The following DCDC2 variants were observed in gnomAD, a reference collection of about 807,000 sequenced individuals.
The protein encoded by DCDC2 is doublecortin domain containing 2, also known as doublecortin domain-containing protein 2.
A neutral mutation model predicts 50.2 loss-of-function variants in DCDC2; 40 were observed. That is an observed-to-expected ratio of 0.80 (90% confidence interval 0.62 to 1.04). The LOEUF is 1.04. DCDC2 is among the 50% of genes least tolerant of loss of function. The pLI is 0.00. For synonymous variants in DCDC2, 234 were observed against 210.6 expected (o/e 1.11, Z -0.96); for missense variants, 570 against 581.9 (o/e 0.98, Z 0.21).
chr6:24,261,797 A>T (rs1489512076), intron 7 of DCDC2, among the ~76,000 whole-genome samples: 1 of 152,192 alleles, frequency 6.6e-6, no homozygotes, highest in African/African-American at 2.4e-5. Flanking sequence ...AAATTAAGAT[A>T]AACAGGCATC....
At chr6:24,352,432 C>T (rs1760390662) in intron 2 of DCDC2, among the ~76,000 whole-genome samples, 1 of 152,144 alleles carries the variant, frequency 6.6e-6, no homozygotes, top group African/African-American at 2.4e-5. Context: ...TAAGCACAAC[C>T]TGAAAATTGT....
Position 24,319,226 on chromosome 6 carries a change from C to T in DCDC2, c.349-17182G>A, listed in dbSNP as rs140884866. ...CATATGCTTTTTGGCCATTTGTATG[C>T]CTTCTTTTGAAAAATGACTATGCAT... On this transcript the variant is annotated intron_variant, in intron 2 of 9. Coordinates refer to ENST00000378454, the MANE Select transcript of DCDC2 (RefSeq NM_016356.5). 3.1e-3 allele frequency among the ~76,000 whole-genome samples: 467 copies of T among 150,562 alleles called. 2 individuals carry two copies. Among genetic ancestry groups the T allele is most frequent in the African/African-American group, 9.8e-3 (402 of 41,204 alleles).
the DCDC2 span, among the ~76,000 whole-genome samples, chr6:24,366,142 T>C: frequency 1.3e-5 from 2 of 152,178 alleles, no homozygotes; most frequent in Admixed American, 6.5e-5. Flanking sequence ...ACTACTTTCT[T>C]TATTTCCACT....
intron 2 of DCDC2, among the ~76,000 whole-genome samples, chr6:24,349,914 T>C (rs1760334375): frequency 6.6e-6 from 1 of 152,158 alleles, no homozygotes; most frequent in African/African-American, 2.4e-5. Context: ...GTGCCCTGAC[T>C]CTGAGGTGGG....
intron 2 of DCDC2, among the ~76,000 whole-genome samples, chr6:24,309,941 G>A (rs114941574): frequency 0.025 from 3,801 of 152,014 alleles, 88 homozygotes; most frequent in African/African-American, 0.054. Context: ...ACCAGCTTGG[G>A]CAACATAGTG....
At chr6:24,366,226 T>C in the DCDC2 span, among the ~76,000 whole-genome samples, 1 of 152,204 alleles carries the variant, frequency 6.6e-6, no homozygotes, top group African/African-American at 2.4e-5. Flanking sequence ...AAATCATAAG[T>C]GGATCCTGAA....
chr6:24,209,991 T>C (rs532883413), intron 7 of DCDC2, among the ~76,000 whole-genome samples: 3 of 151,686 alleles, frequency 2.0e-5, no homozygotes, highest in East Asian at 3.9e-4. Context: ...ACTTGATCTT[T>C]TAGCAGCTTT....
chr6:24,259,965 T>C (rs1277664997), intron 7 of DCDC2, among the ~76,000 whole-genome samples: 1 of 152,202 alleles, frequency 6.6e-6, no homozygotes, highest in Non-Finnish European at 1.5e-5. Flanking sequence ...CAGTGGAGCT[T>C]AGGAGTAAAG....
At chr6:24,326,069 C>G (rs571015225) in intron 2 of DCDC2, among the ~76,000 whole-genome samples, 15 of 145,308 alleles carry the variant, frequency 1.0e-4, no homozygotes, top group African/African-American at 2.7e-4. Context: ...TGCAAAGTTC[C>G]AAAACCAAAG....
chr6:24,299,888 C>T (rs1759334848), intron 4 of DCDC2, among the ~76,000 whole-genome samples: 1 of 151,336 alleles, frequency 6.6e-6, no homozygotes, highest in Admixed American at 6.6e-5. Context: ...CATTGCACTC[C>T]AGTCTGGGCA....
rs75050714 is a variant in DCDC2 at position 24,267,457 on chromosome 6, A to G, written c.922+10592T>C. On this transcript the variant is annotated intron_variant, in intron 7 of 9. Coordinates refer to ENST00000378454, the MANE Select transcript of DCDC2 (RefSeq NM_016356.5). The stretch of plus-strand genomic sequence containing the variant: ...TACTATGTGCCCATGAAAATTAAAA[A>G]TAAAACAAAACAAAAATTCTATGTC... Among the ~76,000 whole-genome samples the G allele has an allele frequency of 8.7e-3, 1,318 of 152,326 alleles. 17 individuals are homozygous for G. Among genetic ancestry groups the G allele is most frequent in the African/African-American group, 0.029 (1,208 of 41,568 alleles).
intron 7 of DCDC2, among the ~76,000 whole-genome samples, chr6:24,237,375 C>T (rs542092929): frequency 9.9e-4 from 151 of 152,174 alleles, no homozygotes; most frequent in Non-Finnish European, 1.1e-3. Flanking sequence ...AAAGTTATAA[C>T]TTTAAAAATG....
At chr6:24,228,723 C>T (rs1431360175) in intron 7 of DCDC2, among the ~76,000 whole-genome samples, 2 of 152,116 alleles carry the variant, frequency 1.3e-5, no homozygotes, top group Non-Finnish European at 2.9e-5. Context: ...TATTTCCTAC[C>T]TCTGTTTCTT....
the DCDC2 span, among the ~76,000 whole-genome samples, chr6:24,370,532 AC>A: frequency 2.0e-5 from 3 of 152,038 alleles, no homozygotes; most frequent in African/African-American, 7.3e-5. Flanking sequence ...ACATTGTGAA[AC>A]CCCATCCCTA....
At chr6:24,296,973 A>G (rs1200888671) in intron 4 of DCDC2, among the ~76,000 whole-genome samples, 4 of 152,194 alleles carry the variant, frequency 2.6e-5, no homozygotes, top group Non-Finnish European at 4.4e-5. Context: ...TATACACCCA[A>G]AAGAATATAA....
chr6:24,354,889 C>T (rs114600827), intron 1 of DCDC2, among the ~76,000 whole-genome samples: 3,745 of 152,258 alleles, frequency 0.025, 81 homozygotes, highest in African/African-American at 0.05. Context: ...TAAGTGAAAG[C>T]AATTCAAGCA....
chr6:24,253,843 T>C (rs1762841086), intron 7 of DCDC2, among the ~76,000 whole-genome samples: 1 of 152,236 alleles, frequency 6.6e-6, no homozygotes, highest in African/African-American at 2.4e-5. Context: ...TTATAAATGC[T>C]GTATACTTAG....
intron 8 of DCDC2, among the ~76,000 whole-genome samples, chr6:24,201,243 T>C (rs529904500): frequency 6.6e-6 from 1 of 152,136 alleles, no homozygotes; most frequent in East Asian, 1.9e-4. Flanking sequence ...AATTGACCAC[T>C]TAATTGGAAG....
chr6:24,172,656 T>C lies in DCDC2; in HGVS notation c.*2074A>G, dbSNP rs1182233868. ...AGTTATTTTTAGAAACTATTTGAAA[T>C]CATTAACTCCAGACCCAGTAATAGT... is the stretch of plus-strand genomic sequence containing the variant. On this transcript the variant is annotated 3_prime_UTR_variant, in exon 10 of 10. Coordinates refer to ENST00000378454, the MANE Select transcript of DCDC2 (RefSeq NM_016356.5). 1 of 152,090 alleles carries C rather than the reference T, an allele frequency of 6.6e-6. No individual in the cohort carries two copies. Among genetic ancestry groups the C allele is most frequent in the East Asian group, 1.9e-4 (1 of 5,190 alleles). 9.4% of individuals were successfully genotyped at this position (152,090 alleles called of 1,614,324 possible).
Sources: allele counts gnomAD v4.1 joint callset (sites outside exome capture counted in the v4.1 genomes callset), GRCh38; gene constraint gnomAD v4.1.1; transcripts MANE v1.5; gene names NCBI Gene and HGNC (gene_info 2026-07-23, HGNC 2026-07-21).